PABPN1L: variants seen among roughly 807,000 people sequenced by gnomAD.
PABPN1L encodes embryonic polyadenylate-binding protein 2.
In PABPN1L, 45 loss-of-function variants were observed where a neutral mutation model predicts 34.0. The observed-to-expected ratio is 1.32, with a 90% CI of 1.04 to 1.70. The LOEUF (loss-of-function observed/expected upper bound fraction) is 1.70. Ranked by LOEUF, PABPN1L falls within the 40% of genes most tolerant of loss-of-function variation. PABPN1L has a pLI of 0.00. For synonymous variants in PABPN1L, 182 were observed against 152.1 expected, an observed-to-expected ratio of 1.20 and a Z score of -1.45; for missense variants, 459 against 367.8, an observed-to-expected ratio of 1.25 and a Z score of -2.03.
At position 88,864,342 on chromosome 16, in the gene PABPN1L, G is replaced by A. The variant is rs1968530422; in HGVS notation, c.692C>T (p.Ser231Phe). The A allele has an allele frequency of 2.6e-6, 4 of 1,556,064 alleles. No homozygotes were observed. In the East Asian group the frequency reaches 7.3e-5, roughly 28 times the overall value. Residue 231 changes from serine to phenylalanine, a missense_variant, in exon 6 of 7, where the codon TCC becomes TTC. Coordinates refer to ENST00000419291, the Ensembl canonical transcript of PABPN1L. ...TCCTCGAAGGCCCCCGCGGTCTGTGGAGCTGATCCCAGGGAAGTTGGTTCT... is the reference window on the plus strand; with the variant it reads ...TCCTCGAAGGCCCCCGCGGTCTGTGAAGCTGATCCCAGGGAAGTTGGTTCT...
rs773344283 is a variant in PABPN1L, at chr16:88,864,879, T to A, written c.628A>T (p.Ser210Cys). ...TTGATGACCCGGCCCCGGAAGAGGC[T>A]CTGGTCCAGCTCCACGGCGGCCTGC... The change falls in exon 5 of 7, where the codon AGC becomes TGC. Residue 210 changes from serine to cysteine, a missense_variant. Ser to Cys is a moderately radical substitution (Grantham distance 112). Transcript: ENST00000419291. 13 of 1,607,704 alleles carry A rather than the reference T, an allele frequency of 8.1e-6. No individual in the cohort carries two copies. In the East Asian group the frequency reaches 2.9e-4, roughly 36 times the overall value.
chr16:88,865,237 T>G (rs990097867), intron 3 of PABPN1L, 109 bp from the exon 4 acceptor site: 1 of 1,195,560 alleles, frequency 8.4e-7, no homozygotes, highest in Non-Finnish European at 1.2e-6. Context: ...GTGGCGGGGA[T>G]GGCCCCAGGC....
In PABPN1L at chr16:88,866,411, C is replaced by T. The variant is rs1383320308; in HGVS notation, c.196G>A (p.Gly66Ser). 2 of 1,551,384 alleles carry T rather than the reference C, an allele frequency of 1.3e-6. No individual in the cohort carries two copies. Among genetic ancestry groups the T allele is most frequent in the South Asian group, 1.2e-5 (1 of 84,064 alleles). Reference sequence around the variant, plus strand: ...TGCTCCAGCAGAGACAGCAGAAAGCCTGCATCCCCATCCTGGTCTTCCTCT... The same window carrying T: ...TGCTCCAGCAGAGACAGCAGAAAGCTTGCATCCCCATCCTGGTCTTCCTCT... Residue 66 changes from glycine (G) to serine (S), a missense_variant, in exon 1 of 7, where the codon GGC becomes AGC. Coordinates refer to ENST00000419291, the Ensembl canonical transcript of PABPN1L.
At position 88,864,955 on chromosome 16, in the gene PABPN1L, A is replaced by AGAGAG; in HGVS notation, c.567-16_567-15insCTCTC. The stretch of plus-strand genomic sequence containing the variant: ...TGTAGGCATAACTGAGGGGAGGGGC[A>AGAGAG]GGGAGGGGAGGGGTGAGGCTGGGCC... On this transcript the variant is annotated splice_polypyrimidine_tract_variant and intron_variant, in intron 4 of 6. Coordinates refer to ENST00000419291, the Ensembl canonical transcript of PABPN1L. 8.0e-7 allele frequency: 1 copy of AGAGAG among 1,250,054 alleles called. No individual in the cohort carries two copies. The highest frequency in any genetic ancestry group is 1.5e-5 in the African/African-American group (1 of 68,956). 77.4% of individuals were successfully genotyped at this position (1,250,054 alleles called of 1,614,324 possible).
chr16:88,864,408 C>G, intron 5 of PABPN1L, 29 bp from the exon 6 acceptor site: 1 of 1,546,890 alleles, frequency 6.5e-7, no homozygotes, highest in Non-Finnish European at 8.7e-7. Flanking sequence ...TTGAGTCCTC[C>G]TCAAGGAGCA....
chr16:88,864,685 C>G (rs1203106185), intron 5 of PABPN1L, among the ~76,000 whole-genome samples, 168 bp downstream of exon 5: 7 of 152,098 alleles, frequency 4.6e-5, no homozygotes, highest in African/African-American at 1.7e-4. Flanking sequence ...GCAGACCAAA[C>G]CCAGCTTCAG....
chr16:88,866,688 G>T, upstream of PABPN1L: 3 of 1,445,950 alleles, frequency 2.1e-6, no homozygotes, highest in Non-Finnish European at 2.7e-6. Context: ...GGCTCTCCTG[G>T]AGTTTTAAGC....
At chr16:88,864,599 GA>G (rs534786697) in intron 5 of PABPN1L, among the ~76,000 whole-genome samples, 24 of 151,970 alleles carry the variant, frequency 1.6e-4, no homozygotes, top group South Asian at 4.2e-4. Flanking sequence ...CACCCCTGCA[GA>G]GGGGGGGGTC....
chr16:88,865,816 A>G (rs1212559156), exon 2 of PABPN1L: 31 of 1,605,744 alleles, frequency 1.9e-5, no homozygotes, highest in Non-Finnish European at 2.6e-5. Context: ...CCACGGTCTC[A>G]GGGCTCAGCA....
At chr16:88,866,568 C>T (rs77252404) in exon 1 of PABPN1L, 12 of 1,553,452 alleles carry the variant, frequency 7.7e-6, no homozygotes, top group Middle Eastern at 1.7e-4. Flanking sequence ...AGGCCTGAGT[C>T]GGGGGTGGGA....
chr16:88,866,249 C>G (rs954888194), intron 1 of PABPN1L, 103 bp downstream of exon 1: 2 of 1,459,864 alleles, frequency 1.4e-6, no homozygotes, highest in African/African-American at 2.8e-5. Flanking sequence ...GCCCTCTCCC[C>G]TCCTAAGTCA....
chr16:88,864,376 G>A, exon 6 of PABPN1L: 1 of 1,554,526 alleles, frequency 6.4e-7, no homozygotes, highest in Admixed American at 1.9e-5. Context: ...CTTTTCGGCA[G>A]CACCTGGAGC....
upstream of PABPN1L, chr16:88,866,630 G>T: frequency 6.6e-7 from 1 of 1,510,544 alleles, no homozygotes. Flanking sequence ...GAGGAAGGTG[G>T]GCCAGGCGAG....
At chr16:88,865,848 C>G (rs1298779696) in exon 2 of PABPN1L, 1 of 1,610,046 alleles carries the variant, frequency 6.2e-7, no homozygotes, top group Non-Finnish European at 8.5e-7. Flanking sequence ...GCGGTGCCCT[C>G]CTCTTCCTCG....
At chr16:88,866,631 G>A (rs377440018), upstream of PABPN1L, 16 of 1,509,962 alleles carry the variant, frequency 1.1e-5, no homozygotes, top group African/African-American at 5.5e-5. Context: ...AGGAAGGTGG[G>A]CCAGGCGAGG....
chr16:88,863,618 G>A (rs1968499973), exon 7 of PABPN1L: 5 of 1,115,600 alleles, frequency 4.5e-6, no homozygotes, highest in East Asian at 2.6e-5. Flanking sequence ...CCGCCAAGAG[G>A]GGGCCAGTGG....
At chr16:88,866,633 CAGGCG>C, upstream of PABPN1L, 2 of 1,510,308 alleles carry the variant, frequency 1.3e-6, no homozygotes, top group Non-Finnish European at 8.9e-7. Context: ...GAAGGTGGGC[CAGGCG>C]AGGCCTCCCC....
intron 6 of PABPN1L, 44 bp from the exon 7 acceptor site, chr16:88,863,839 A>G: frequency 6.6e-7 from 1 of 1,522,422 alleles, no homozygotes; most frequent in South Asian, 1.2e-5. Flanking sequence ...TCCAGAGGAG[A>G]AGGGGTGGTG....
exon 6 of PABPN1L, chr16:88,864,326 G>T (rs1567563443): frequency 7.7e-6 from 12 of 1,555,408 alleles, no homozygotes; most frequent in East Asian, 2.4e-5. Context: ...GTCCTCGAAG[G>T]CCCCCGCGGT....
Sources: gnomAD v4.1 joint callset for allele counts (sites outside exome capture counted in the v4.1 genomes callset) on GRCh38, gnomAD v4.1.1 for gene constraint, MANE v1.5 for transcripts, NCBI Gene and HGNC (gene_info 2026-07-23, HGNC 2026-07-21) for gene names.